The following GNE variants were observed in gnomAD, a reference collection of about 807,000 sequenced individuals.
The protein encoded by GNE is glucosamine (UDP-N-acetyl)-2-epimerase/N-acetylmannosamine kinase.
GNE carries 41 observed loss-of-function variants against 61.8 expected under a neutral mutation model. The observed-to-expected ratio is 0.66, with a 90% CI of 0.52 to 0.86. GNE has a LOEUF of 0.86. GNE is among the 40% of genes least tolerant of loss of function. The pLI is 0.00. For missense variants in GNE, 608 were observed against 909.1 expected (o/e 0.67, Z 4.26); for synonymous variants, 264 against 326.4 (o/e 0.81, Z 2.06).
rs547849239 is a variant in GNE at position 36,216,894 on chromosome 9, G to A, written c.*471C>T. On this transcript the variant is annotated 3_prime_UTR_variant, in exon 12 of 12. Transcript: ENST00000642385. ...TCACCATGTTAGCCAGGGCGGTCTC[G>A]ATCTCCTGACCTCGTGATCCGCCCG... is the stretch of plus-strand genomic sequence containing the variant. 5 of 196,446 alleles carry A rather than the reference G, an allele frequency of 2.5e-5. No individual in the cohort carries two copies. The highest frequency in any genetic ancestry group is 1.8e-4 in the South Asian group (2 of 10,970). The allele number at this position is 196,446 out of a possible 1,614,324, so 12.2% of individuals were successfully genotyped here.
chr9:36,257,349 A>G (rs1167397371), intron 1 of GNE, among the ~76,000 whole-genome samples: 1 of 152,180 alleles, frequency 6.6e-6, no homozygotes, highest in Non-Finnish European at 1.5e-5. Context: ...GCTGTCTGAA[A>G]GTCAGGGCCC....
At chr9:36,274,784 G>A (rs1683856008) in intron 1 of GNE, among the ~76,000 whole-genome samples, 1 of 150,736 alleles carries the variant, frequency 6.6e-6, no homozygotes, top group South Asian at 2.1e-4. Context: ...GTGCCGTGGC[G>A]CGATCTCTGT....
intron 7 of GNE, among the ~76,000 whole-genome samples, chr9:36,224,911 A>G (rs1828793359): frequency 6.6e-6 from 1 of 152,222 alleles, no homozygotes. Flanking sequence ...ATATGTTTTA[A>G]TACCAAACAG....
intron 2 of GNE, among the ~76,000 whole-genome samples, chr9:36,247,796 G>T (rs2133120022): frequency 6.6e-6 from 1 of 152,168 alleles, no homozygotes; most frequent in South Asian, 2.1e-4. Flanking sequence ...GGAGGCGGAG[G>T]CAGGTGGATC....
At chr9:36,225,118 T>C (rs1185966930) in intron 7 of GNE, among the ~76,000 whole-genome samples, 1 of 152,224 alleles carries the variant, frequency 6.6e-6, no homozygotes, top group Non-Finnish European at 1.5e-5. Context: ...ATCTTAAAAA[T>C]AATCAGCACT....
intron 3 of GNE, among the ~76,000 whole-genome samples, chr9:36,242,533 C>T (rs1829678297): frequency 6.6e-6 from 1 of 152,070 alleles, no homozygotes; most frequent in South Asian, 2.1e-4. Context: ...AATTCTTCTG[C>T]CTCAGCCTCC....
intron 1 of GNE, chr9:36,265,084 G>A (rs756872917): frequency 6.4e-6 from 2 of 310,642 alleles, no homozygotes; most frequent in Non-Finnish European, 6.2e-6. Context: ...CAGGGTGTCT[G>A]CTGTGCTCCT....
At chr9:36,245,977 G>A in intron 3 of GNE, 54 bp downstream of exon 3, 1 of 1,357,630 alleles carries the variant, frequency 7.4e-7, no homozygotes, top group Non-Finnish European at 1.1e-6. Context: ...GAAATAGACG[G>A]AACATTTTCT....
intron 8 of GNE, 57 bp from the exon 9 acceptor site, chr9:36,223,055 T>A: frequency 2.7e-6 from 4 of 1,481,642 alleles, no homozygotes; most frequent in Non-Finnish European, 3.8e-6. Flanking sequence ...CAGGAAAGTA[T>A]GCTGACTTTC....
upstream of GNE, among the ~76,000 whole-genome samples, chr9:36,258,798 T>C (rs146309147): frequency 0.012 from 1,752 of 152,326 alleles, 34 homozygotes; most frequent in African/African-American, 0.039. Flanking sequence ...TTGCGCCTCT[T>C]GTTCCCTCAG....
intron 2 of GNE, among the ~76,000 whole-genome samples, chr9:36,248,112 G>A (rs7025989): frequency 0.76 from 114,211 of 150,882 alleles, 43,708 homozygotes; most frequent in Non-Finnish European, 0.8. Context: ...TCCTAGTAGC[G>A]AATTCCCACC....
chr9:36,219,081 G>C lies in GNE; in HGVS notation c.1816+757C>G, dbSNP rs534326016. On this transcript the variant is annotated intron_variant, in intron 10 of 11. Coordinates refer to ENST00000642385, the MANE Select transcript of GNE (RefSeq NM_005476.7). ...CCTAGACATCAACTGGTGGTCTCCT[G>C]TCTCCCCTGGGCCCTCACAGCTCTC... Among the ~76,000 whole-genome samples the C allele has an allele frequency of 2.0e-4, 30 of 152,188 alleles. 1 individual carries two copies. In the South Asian group the frequency reaches 5.8e-3, roughly 29 times the overall value.
At position 36,223,010 on chromosome 9, in the gene GNE, C is replaced by T; in HGVS notation, c.1412-12G>A. 1 of 1,608,964 alleles carries T rather than the reference C, an allele frequency of 6.2e-7. No homozygotes were observed. Among genetic ancestry groups the T allele is most frequent in the Non-Finnish European group, 8.5e-7 (1 of 1,175,996 alleles). The stretch of plus-strand genomic sequence containing the variant: ...ACCTGTGGAAATGCCTGCGCTCCAC[C>T]ACAAACACAAGGAAATAATGCTGAT... On this transcript the variant is annotated splice_polypyrimidine_tract_variant and intron_variant, in intron 8 of 11. Coordinates refer to ENST00000642385, the MANE Select transcript of GNE (RefSeq NM_005476.7).
intron 1 of GNE, among the ~76,000 whole-genome samples, chr9:36,269,534 G>A (rs1230204175): frequency 6.6e-6 from 1 of 151,292 alleles, no homozygotes. Flanking sequence ...GTACTAACTT[G>A]ACACTTTCAT....
intron 2 of GNE, 67 bp downstream of exon 2, chr9:36,249,125 G>T: frequency 1.5e-6 from 2 of 1,310,702 alleles, no homozygotes; most frequent in Non-Finnish European, 2.2e-6. Context: ...GGCCCATATG[G>T]CTACAAAACC....
chr9:36,261,450 G>C (rs1830614141), upstream of GNE, among the ~76,000 whole-genome samples: 1 of 151,980 alleles, frequency 6.6e-6, no homozygotes, highest in Non-Finnish European at 1.5e-5. Context: ...CTACTTGGGA[G>C]GCCGAGGCAG....
chr9:36,260,320 T>C (rs1211711022), upstream of GNE, among the ~76,000 whole-genome samples: 2 of 151,298 alleles, frequency 1.3e-5, no homozygotes, highest in East Asian at 3.9e-4. Flanking sequence ...AGAAATGACT[T>C]CCAGGTTTCT....
chr9:36,230,784 A>C (rs183794752), intron 5 of GNE, among the ~76,000 whole-genome samples: 1 of 151,928 alleles, frequency 6.6e-6, no homozygotes, highest in African/African-American at 2.4e-5. Context: ...TGCAGAGATA[A>C]AATATCACTA....
intron 7 of GNE, among the ~76,000 whole-genome samples, chr9:36,225,776 T>TA (rs869131070): frequency 2.6e-5 from 4 of 151,824 alleles, no homozygotes; most frequent in Non-Finnish European, 5.9e-5. Context: ...ACCTTGTCTC[T>TA]AAAAAAAAAT....
Sources: allele counts gnomAD v4.1 joint callset (sites outside exome capture counted in the v4.1 genomes callset), GRCh38; gene constraint gnomAD v4.1.1; transcripts MANE v1.5; gene names NCBI Gene and HGNC (gene_info 2026-07-23, HGNC 2026-07-21).